Variants in TP63 observed in about 807,000 individuals in gnomAD.
TP63 encodes the protein tumor protein p63, also known as tumor protein 63.
In TP63, 17 loss-of-function variants were observed where a neutral mutation model predicts 82.8. The ratio of observed to expected loss-of-function variants is 0.21; its 90% CI spans 0.14 to 0.31. TP63 has a LOEUF of 0.31. Among genes scored for constraint, TP63 ranks in the 10% least tolerant of loss-of-function variants. TP63 has a pLI of 1.00. For synonymous variants in TP63, 330 were observed against 321.7 expected, an observed-to-expected ratio of 1.03 and a Z score of -0.28; for missense variants, 648 against 895.3, an observed-to-expected ratio of 0.72 and a Z score of 3.52.
intron 4 of TP63, among the ~76,000 whole-genome samples, chr3:189,833,877 G>T (rs981712860): frequency 2.6e-5 from 4 of 152,114 alleles, no homozygotes; most frequent in Admixed American, 2.6e-4. Flanking sequence ...TCTGCCATTT[G>T]TCTTTACATG....
intron 4 of TP63, among the ~76,000 whole-genome samples, chr3:189,849,766 G>T (rs184440826): frequency 2.0e-5 from 3 of 151,874 alleles, no homozygotes; most frequent in South Asian, 4.2e-4. Flanking sequence ...CATGAAGCGC[G>T]TGCTCAATAA....
At chr3:189,807,906 C>G (rs1197490796) in intron 3 of TP63, among the ~76,000 whole-genome samples, 2 of 152,212 alleles carry the variant, frequency 1.3e-5, no homozygotes, top group African/African-American at 4.8e-5. Flanking sequence ...CCCCCACCAA[C>G]AACCTCAAAA....
chr3:189,616,611 G>A, the TP63 span, among the ~76,000 whole-genome samples: 4 of 152,184 alleles, frequency 2.6e-5, no homozygotes, highest in Non-Finnish European at 5.9e-5. Flanking sequence ...TGCTCATGCA[G>A]CTAAGTTCTG....
At chr3:189,653,022 T>C (rs1201413777) in intron 1 of TP63, among the ~76,000 whole-genome samples, 1 of 121,578 alleles carries the variant, frequency 8.2e-6, no homozygotes, top group Non-Finnish European at 1.7e-5. Context: ...GATAATGGAC[T>C]AATATAATCA....
intron 1 of TP63, among the ~76,000 whole-genome samples, chr3:189,635,911 A>G (rs900190922): frequency 6.6e-6 from 1 of 152,138 alleles, no homozygotes; most frequent in African/African-American, 2.4e-5. Flanking sequence ...AATTTTTGAT[A>G]TGAGGTAAAT....
chr3:189,724,731 C>A (rs575061921), intron 1 of TP63, among the ~76,000 whole-genome samples: 2 of 152,300 alleles, frequency 1.3e-5, no homozygotes, highest in African/African-American at 4.8e-5. Context: ...AAATCCCCTC[C>A]ATCTCCTCTG....
chr3:189,739,368 A>C (rs1199217007), intron 3 of TP63, among the ~76,000 whole-genome samples: 1 of 152,128 alleles, frequency 6.6e-6, no homozygotes, highest in Non-Finnish European at 1.5e-5. Flanking sequence ...TGCCCACCTC[A>C]GCCTCCCAAA....
chr3:189,722,277 A>G (rs116373423), intron 1 of TP63, among the ~76,000 whole-genome samples: 1 of 152,366 alleles, frequency 6.6e-6, no homozygotes, highest in Non-Finnish European at 1.5e-5. Context: ...GGAATGACAG[A>G]GGACAAATAA....
At chr3:189,847,182 AC>A (rs973712858) in intron 4 of TP63, among the ~76,000 whole-genome samples, 7 of 150,236 alleles carry the variant, frequency 4.7e-5, no homozygotes, top group Non-Finnish European at 1.0e-4. Context: ...ACATGGTGAA[AC>A]CCCGTCTTTA....
Position 189,681,873 on chromosome 3 carries a change from C to A in TP63, c.62+50296C>A, listed in dbSNP as rs116764170. On this transcript the variant is annotated intron_variant, in intron 1 of 13. Coordinates refer to ENST00000264731, the MANE Select transcript of TP63 (RefSeq NM_003722.5). The stretch of plus-strand genomic sequence containing the variant: ...ATCCCTCATTTGTTACCTAGGGAAC[C>A]AGGCAATCACCTTTTACACACTAAG... 1.6e-3 allele frequency among the ~76,000 whole-genome samples: 238 copies of A among 152,260 alleles called. 1 individual carries two copies. Among genetic ancestry groups the A allele is most frequent in the African/African-American group, 5.4e-3 (224 of 41,560 alleles).
chr3:189,869,763 A>C (rs1176106309), intron 9 of TP63, among the ~76,000 whole-genome samples: 3 of 149,340 alleles, frequency 2.0e-5, no homozygotes, highest in African/African-American at 7.4e-5. Context: ...TGAAGGCTCC[A>C]CTCTCATTAC....
chr3:189,868,853 G>T, intron 8 of TP63, 137 bp downstream of exon 8: 1 of 1,360,080 alleles, frequency 7.4e-7, no homozygotes. Flanking sequence ...CAGAGCCAGT[G>T]AGAATAGGTA....
chr3:189,735,812 G>A (rs74623213), intron 1 of TP63, among the ~76,000 whole-genome samples: 4,228 of 152,096 alleles, frequency 0.028, 74 homozygotes, highest in Admixed American at 0.051. Flanking sequence ...TACTCCACAC[G>A]TGTGATAAAA....
At chr3:189,742,126 C>T (rs1057227213) in intron 3 of TP63, among the ~76,000 whole-genome samples, 2 of 150,296 alleles carry the variant, frequency 1.3e-5, no homozygotes, top group Admixed American at 1.3e-4. Flanking sequence ...GCCTGTAGTC[C>T]CAGCTACTCA....
intron 3 of TP63, among the ~76,000 whole-genome samples, chr3:189,764,459 T>C (rs933016965): frequency 6.6e-6 from 1 of 152,118 alleles, no homozygotes; most frequent in African/African-American, 2.4e-5. Context: ...CACACACACA[T>C]AGGTCATACT....
intron 4 of TP63, among the ~76,000 whole-genome samples, chr3:189,820,677 G>T (rs968364860): frequency 6.6e-6 from 1 of 152,186 alleles, no homozygotes; most frequent in Non-Finnish European, 1.5e-5. Flanking sequence ...TTAGTTAGAT[G>T]TTTTCTAAGA....
chr3:189,666,077 A>G (rs1714366577), intron 1 of TP63, among the ~76,000 whole-genome samples: 1 of 152,094 alleles, frequency 6.6e-6, no homozygotes, highest in Non-Finnish European at 1.5e-5. Flanking sequence ...ATCAGAACCC[A>G]GTTATTCAAA....
intron 3 of TP63, among the ~76,000 whole-genome samples, chr3:189,760,943 C>T (rs1722519958): frequency 6.6e-6 from 1 of 152,204 alleles, no homozygotes. Context: ...GGCTTGCACC[C>T]TCTGAGGCCA....
chr3:189,849,060 A>AT (rs1715303323), intron 4 of TP63, among the ~76,000 whole-genome samples: 1 of 152,226 alleles, frequency 6.6e-6, no homozygotes, highest in South Asian at 2.1e-4. Context: ...TGAAACCTTC[A>AT]TAAAAACCCA....
Sources: gnomAD v4.1 joint callset for allele counts (sites outside exome capture counted in the v4.1 genomes callset) on GRCh38, gnomAD v4.1.1 for gene constraint, MANE v1.5 for transcripts, NCBI Gene and HGNC (gene_info 2026-07-23, HGNC 2026-07-21) for gene names.